The following ADGRB3 variants were observed in gnomAD, a reference collection of about 807,000 sequenced individuals.
ADGRB3 encodes adhesion G protein-coupled receptor B3, also known as brain-specific angiogenesis inhibitor 3.
Under a neutral mutation model 193.4 loss-of-function variants are expected in ADGRB3, and 37 were observed. That is an observed-to-expected ratio of 0.19 (90% CI 0.15 to 0.25). ADGRB3 has a LOEUF of 0.25. ADGRB3 is among the 10% of genes least tolerant of loss of function. The pLI, the probability that ADGRB3 is intolerant of heterozygous loss-of-function variation, is 1.00. For missense variants in ADGRB3, 1,637 were observed against 1,852.9 expected, an observed-to-expected ratio of 0.88 and a Z score of 2.14; for synonymous variants, 690 against 644.2, an observed-to-expected ratio of 1.07 and a Z score of -1.08.
At chr6:68,910,160 T>G (rs1766659968) in intron 3 of ADGRB3, among the ~76,000 whole-genome samples, 1 of 152,242 alleles carries the variant, frequency 6.6e-6, no homozygotes, top group Non-Finnish European at 1.5e-5. Context: ...TGGCCAGTGA[T>G]GATGAGCATT....
At chr6:68,741,329 T>C (rs1422865900) in intron 3 of ADGRB3, among the ~76,000 whole-genome samples, 1 of 152,148 alleles carries the variant, frequency 6.6e-6, no homozygotes, top group Non-Finnish European at 1.5e-5. Flanking sequence ...AGCTATCAAA[T>C]GTGAGAGCTG....
At chr6:68,930,705 T>A (rs1767313730) in intron 4 of ADGRB3, 36 bp downstream of exon 4, 1 of 1,411,944 alleles carries the variant, frequency 7.1e-7, no homozygotes, top group Non-Finnish European at 9.9e-7. Context: ...TTTATTGTTG[T>A]TAATTTAATG....
intron 3 of ADGRB3, among the ~76,000 whole-genome samples, chr6:68,768,023 C>T (rs1455062619): frequency 2.0e-5 from 3 of 152,132 alleles, no homozygotes; most frequent in Non-Finnish European, 4.4e-5. Context: ...CAAACCACTG[C>T]TCAAGGAAAT....
intron 3 of ADGRB3, among the ~76,000 whole-genome samples, chr6:68,898,298 T>C (rs964951335): frequency 1.4e-4 from 21 of 151,932 alleles, no homozygotes; most frequent in Admixed American, 5.3e-4. Context: ...TAAATCTGCT[T>C]CTCCTTCCCC....
intron 17 of ADGRB3, among the ~76,000 whole-genome samples, chr6:69,202,910 C>G (rs1374309231): frequency 6.6e-6 from 1 of 152,108 alleles, no homozygotes. Context: ...TGATCAAATG[C>G]TTTAGCAGAA....
At position 69,361,264 on chromosome 6, in the gene ADGRB3, G is replaced by A. The variant is rs764530335; in HGVS notation, c.3991G>A (p.Gly1331Ser). Residue 1331 changes from glycine (G) to serine (S), a missense_variant, in exon 29 of 32, where the codon GGC (glycine) becomes AGC (serine). Gly to Ser is a moderately conservative substitution (Grantham distance 56, BLOSUM62 0). Coordinates refer to ENST00000370598, the MANE Select transcript of ADGRB3 (RefSeq NM_001704.3). ...GAAAGAAGAAAGCAAAATGAATATT[G>A]GCATGGAAACCTTGCCGCATGAAAG... ...SMKEESKMNI[G>S]METLPHERLL... The A allele has an allele frequency of 2.5e-6, 4 of 1,612,568 alleles. No homozygotes were observed. Among genetic ancestry groups the A allele is most frequent in the Non-Finnish European group, 3.4e-6 (4 of 1,179,226 alleles).
intron 17 of ADGRB3, among the ~76,000 whole-genome samples, chr6:69,092,240 A>G (rs1472705271): frequency 6.6e-6 from 1 of 152,160 alleles, no homozygotes; most frequent in African/African-American, 2.4e-5. Flanking sequence ...TTCAAGGTCA[A>G]TGTCTTGCCT....
chr6:69,084,803 T>G (rs1772498919), intron 17 of ADGRB3, among the ~76,000 whole-genome samples: 1 of 152,160 alleles, frequency 6.6e-6, no homozygotes, highest in Non-Finnish European at 1.5e-5. Flanking sequence ...ATATTGCCTA[T>G]GGCATGGAGG....
intron 12 of ADGRB3, among the ~76,000 whole-genome samples, chr6:69,015,667 T>C (rs540597369): frequency 5.9e-5 from 9 of 152,076 alleles, no homozygotes; most frequent in African/African-American, 1.7e-4. Context: ...CAGACCTCTG[T>C]GTACGTTTGG....
At chr6:69,075,399 A>G (rs1439608338) in intron 16 of ADGRB3, among the ~76,000 whole-genome samples, 2 of 152,198 alleles carry the variant, frequency 1.3e-5, no homozygotes, top group Non-Finnish European at 1.5e-5. Flanking sequence ...GCAGGTACTC[A>G]ATTCATAATT....
intron 28 of ADGRB3, among the ~76,000 whole-genome samples, chr6:69,359,243 T>A (rs1769395417): frequency 1.3e-5 from 2 of 151,748 alleles, no homozygotes; most frequent in South Asian, 4.1e-4. Flanking sequence ...TTATTTACAA[T>A]ATCATTAAAT....
intron 13 of ADGRB3, among the ~76,000 whole-genome samples, chr6:69,035,425 G>C (rs774224122): frequency 7.9e-5 from 12 of 152,022 alleles, no homozygotes; most frequent in Non-Finnish European, 1.3e-4. Context: ...CCATAAACAA[G>C]CCAGGACCTG....
At chr6:68,772,301 G>A (rs1191159656) in intron 3 of ADGRB3, among the ~76,000 whole-genome samples, 1 of 152,086 alleles carries the variant, frequency 6.6e-6, no homozygotes. Context: ...TGAAGGGATG[G>A]TGAAGCCATT....
chr6:69,162,942 A>T (rs1285499795), intron 17 of ADGRB3, among the ~76,000 whole-genome samples: 2 of 152,030 alleles, frequency 1.3e-5, no homozygotes, highest in Non-Finnish European at 2.9e-5. Flanking sequence ...GTGGGAGCTG[A>T]TGACATCTAG....
intron 3 of ADGRB3, among the ~76,000 whole-genome samples, chr6:68,877,885 T>G (rs1451020721): frequency 6.6e-6 from 1 of 152,094 alleles, no homozygotes; most frequent in African/African-American, 2.4e-5. Context: ...TTTTCTTTTT[T>G]TAAAAAATGA....
intron 20 of ADGRB3, among the ~76,000 whole-genome samples, chr6:69,282,631 T>C (rs759236274): frequency 5.9e-5 from 9 of 152,182 alleles, no homozygotes; most frequent in Non-Finnish European, 1.2e-4. Flanking sequence ...GGAAAATATG[T>C]AAAATGATTA....
intron 16 of ADGRB3, among the ~76,000 whole-genome samples, chr6:69,074,610 G>T (rs188542761): frequency 6.7e-6 from 1 of 149,246 alleles, no homozygotes; most frequent in Non-Finnish European, 1.5e-5. Flanking sequence ...GCACGATCTC[G>T]GCTCACTCAC....
At chr6:69,089,835 C>G (rs909551065) in intron 17 of ADGRB3, among the ~76,000 whole-genome samples, 4 of 152,158 alleles carry the variant, frequency 2.6e-5, no homozygotes, top group Admixed American at 2.6e-4. Flanking sequence ...AGTAACTCTC[C>G]TGACCCTCTT....
chr6:69,023,095 A>G (rs191787046), intron 13 of ADGRB3, among the ~76,000 whole-genome samples: 39 of 152,212 alleles, frequency 2.6e-4, no homozygotes, highest in Non-Finnish European at 4.7e-4. Flanking sequence ...AAGGAAGATC[A>G]GTGATGTGTC....
Sources: gnomAD v4.1 joint callset for allele counts (sites outside exome capture counted in the v4.1 genomes callset) on GRCh38, gnomAD v4.1.1 for gene constraint, MANE v1.5 for transcripts, NCBI Gene and HGNC (gene_info 2026-07-23, HGNC 2026-07-21) for gene names.